Variants in ZNF177 observed in about 807,000 individuals in gnomAD.
ZNF177 encodes zinc finger protein 177.
A neutral mutation model predicts 19.4 loss-of-function variants in ZNF177; 17 were observed. The ratio of observed to expected loss-of-function variants is 0.87; its 90% confidence interval spans 0.60 to 1.31. ZNF177 has a LOEUF of 1.31. Ranked by LOEUF, ZNF177 falls within the 40% of genes most tolerant of loss-of-function variation. The pLI is 0.00. For missense variants in ZNF177, 633 were observed against 561.8 expected (o/e 1.13, Z -1.28); for synonymous variants, 220 against 188.7 (o/e 1.17, Z -1.36).
upstream of ZNF177, chr19:9,376,366 A>G (rs2068109445): frequency 6.6e-6 from 1 of 152,236 alleles, no homozygotes; most frequent in African/African-American, 2.4e-5. Flanking sequence ...CCTGCTCTCA[A>G]GTGATCCTCC....
chr19:9,381,649 A>G, exon 6 of ZNF177: 1 of 1,614,096 alleles, frequency 6.2e-7, no homozygotes, highest in Non-Finnish European at 8.5e-7. Flanking sequence ...CTCTTGCCTG[A>G]GGGTACACGT....
In ZNF177 at chr19:9,376,881, T is replaced by C. The variant is rs934344691; in HGVS notation, c.-54+458T>C. 2.0e-5 allele frequency among the ~76,000 whole-genome samples: 3 copies of C among 152,186 alleles called. No individual in the cohort carries two copies. The East Asian group carries it at 5.8e-4, about 29-fold the overall frequency. ...CTTTACCCCAGTGGGTTTTATAATT[T>C]CATATGGTTTCATGTTACTAAGTGT... On this transcript the variant is annotated intron_variant, in intron 1 of 5. Transcript: ENST00000589262.
At position 9,381,557 on chromosome 19, in the gene ZNF177, C is replaced by CT. The variant is rs2068202313; in HGVS notation, c.1228dup (p.Tyr410LeufsTer12). On this transcript the variant is annotated frameshift_variant, in exon 6 of 6. Coordinates refer to ENST00000589262, the Ensembl canonical transcript of ZNF177. LOFTEE classifies it low-confidence loss of function (END_TRUNC). The stretch of plus-strand genomic sequence containing the variant: ...TGTGGAAAGTCCTTCAGCACAGGCT[C>CT]TTACCTTATTGTGCACAAGAGAACT... 6.2e-7 allele frequency: 1 copy of CT among 1,614,064 alleles called. No homozygotes were observed. The highest frequency in any genetic ancestry group is 1.3e-5 in the African/African-American group (1 of 74,944).
At chr19:9,380,882 C>T in exon 6 of ZNF177, 2 of 1,536,076 alleles carry the variant, frequency 1.3e-6, no homozygotes, top group Non-Finnish European at 1.7e-6. Context: ...TGTAGAAAAG[C>T]TTTCAATCAA....
intron 2 of ZNF177, 108 bp downstream of exon 4, chr19:9,378,452 C>A: frequency 6.6e-7 from 1 of 1,525,392 alleles, no homozygotes; most frequent in South Asian, 1.2e-5. Context: ...CTGGCTTCAT[C>A]TTCCGCAGCT....
At position 9,370,038 on chromosome 19, in the gene ZNF177, T is replaced by C. The variant is rs574171326; in HGVS notation, c.-304-1572T>C. On this transcript the variant is annotated intron_variant, in intron 2 of 8. Transcript: ENST00000343499. ...TTTGGGTCTTCCAGTTCCTATCTCC[T>C]GAAGTACTTTTAAGTTACTTCTGTG... Among the ~76,000 whole-genome samples, 243 of 152,354 alleles carry C rather than the reference T, an allele frequency of 1.6e-3. 2 individuals are homozygous for C. The highest frequency in any genetic ancestry group is 5.7e-3 in the African/African-American group (235 of 41,586).
At chr19:9,379,939 C>T in intron 4 of ZNF177, 118 bp from the exon 7 acceptor site, 2 of 1,212,200 alleles carry the variant, frequency 1.6e-6, no homozygotes, top group East Asian at 5.2e-5. Flanking sequence ...TGTCTTCTTT[C>T]TTACATTTCT....
intron 5 of ZNF177, 31 bp from the exon 8 acceptor site, chr19:9,380,637 C>T (rs1299588964): frequency 3.9e-6 from 6 of 1,535,966 alleles, no homozygotes; most frequent in South Asian, 3.6e-5. Flanking sequence ...GTGAAAAAGC[C>T]TCTAGTCACC....
chr19:9,363,136 A>G (rs2067926569), intron 1 of ZNF177, 52 bp downstream of exon 1: 2 of 152,362 alleles, frequency 1.3e-5, no homozygotes, highest in Non-Finnish European at 2.9e-5. Context: ...GGTCAAGGGC[A>G]CAGTGCGCAG....
intron 5 of ZNF177, 175 bp from the exon 8 acceptor site, chr19:9,380,493 A>T: frequency 7.8e-7 from 1 of 1,276,406 alleles, no homozygotes. Context: ...GAGTGAGCTT[A>T]TTCAACTCGA....
intron 5 of ZNF177, 105 bp from the exon 8 acceptor site, chr19:9,380,560 CATG>C: frequency 2.6e-6 from 4 of 1,531,960 alleles, no homozygotes; most frequent in Non-Finnish European, 3.5e-6. Flanking sequence ...ACATGTCAGT[CATG>C]ATCATGTGCT....
At position 9,367,174 on chromosome 19, in the gene ZNF177, G is replaced by A. The variant is rs186988005; in HGVS notation, c.-305+2226G>A. ...TCTCTACTAAAAATACAAAAACATA[G>A]CTGGGTGTGGTGGCACGCGTCTGTA... On this transcript the variant is annotated intron_variant, in intron 2 of 8. Coordinates refer to the ZNF177 transcript ENST00000343499. 2.5e-3 allele frequency among the ~76,000 whole-genome samples: 375 copies of A among 152,220 alleles called. 5 individuals are homozygous for A. The highest frequency in any genetic ancestry group is 0.017 in the Admixed American group (266 of 15,294).
At chr19:9,375,334 G>A (rs2068096114), upstream of ZNF177, among the ~76,000 whole-genome samples, 1 of 152,158 alleles carries the variant, frequency 6.6e-6, no homozygotes, top group South Asian at 2.1e-4. Context: ...TGGTATCAGT[G>A]TAATGCTGAC....
chr19:9,381,881 C>G (rs771308078), exon 6 of ZNF177: 1,767 of 1,486,268 alleles, frequency 1.2e-3, no homozygotes, highest in Non-Finnish European at 1.5e-3. Flanking sequence ...AGCCTTCTGG[C>G]CCAACTCTGG....
chr19:9,373,686 A>G (rs1448358499), upstream of ZNF177, among the ~76,000 whole-genome samples: 1 of 152,150 alleles, frequency 6.6e-6, no homozygotes, highest in African/African-American at 2.4e-5. Flanking sequence ...GTACGTCCCT[A>G]ATAATGTGAT....
At chr19:9,382,435 CAG>C (rs1555737754), downstream of ZNF177, 6 of 398,478 alleles carry the variant, frequency 1.5e-5, no homozygotes, top group African/African-American at 1.0e-4. Context: ...AATGAAACAA[CAG>C]GGGAGATACA....
intron 2 of ZNF177, 134 bp downstream of exon 4, chr19:9,378,478 G>A: frequency 7.4e-7 from 1 of 1,355,432 alleles, no homozygotes; most frequent in Non-Finnish European, 1.0e-6. Context: ...GCTGCTTCAT[G>A]TGGAAGAGGG....
At position 9,367,193 on chromosome 19, in the gene ZNF177, G is replaced by A. The variant is rs563600861; in HGVS notation, c.-305+2245G>A. On this transcript the variant is annotated intron_variant, in intron 2 of 8. Transcript: ENST00000343499. ...AACATAGCTGGGTGTGGTGGCACGC[G>A]TCTGTAGTCCCAGCTACTTGGGAGG... Among the ~76,000 whole-genome samples, 22 of 152,152 alleles carry A rather than the reference G, an allele frequency of 1.4e-4. No individual in the cohort carries two copies. The South Asian group carries it at 2.1e-3, about 14-fold the overall frequency.
rs1247867314 is a variant in ZNF177 at position 9,381,966 on chromosome 19, A to G, written c.*189A>G. The stretch of plus-strand genomic sequence containing the variant: ...TTTTATCAGTGAGTATTTCATTCTT[A>G]TATGTGTCACAACTGTAGATCCTAT... On this transcript the variant is annotated 3_prime_UTR_variant, in exon 6 of 6. Coordinates refer to ENST00000589262, the Ensembl canonical transcript of ZNF177. 5 of 852,806 alleles carry G rather than the reference A, an allele frequency of 5.9e-6. No individual in the cohort carries two copies. The East Asian group carries it at 1.1e-4, about 19-fold the overall frequency. The allele number at this position is 852,806 out of a possible 1,614,324, so 52.8% of individuals were successfully genotyped here. A position where few individuals can be genotyped will look rare whatever the true frequency, so the allele number is the denominator to read the frequency against.
Sources: allele counts gnomAD v4.1 joint callset (sites outside exome capture counted in the v4.1 genomes callset), GRCh38; gene constraint gnomAD v4.1.1; transcripts MANE v1.5; gene names NCBI Gene and HGNC (gene_info 2026-07-23, HGNC 2026-07-21).